Variants in RFX7 observed in about 807,000 individuals in gnomAD.
The protein encoded by RFX7 is regulatory factor X7, also known as DNA-binding protein RFX7.
RFX7 carries 26 observed loss-of-function variants against 111.8 expected under a neutral mutation model. The observed-to-expected ratio is 0.23, with a 90% confidence interval of 0.17 to 0.32. The LOEUF (loss-of-function observed/expected upper bound fraction) is 0.32. Among genes scored for constraint, RFX7 ranks in the 10% least tolerant of loss-of-function variants. RFX7 has a pLI of 1.00. For synonymous variants in RFX7, 624 were observed against 624.4 expected (o/e 1.00, Z 0.01); for missense variants, 1,573 against 1,772.9 (o/e 0.89, Z 2.02).
intron 2 of RFX7, among the ~76,000 whole-genome samples, chr15:56,220,682 G>A (rs1398271830): frequency 2.0e-5 from 3 of 152,088 alleles, no homozygotes; most frequent in African/African-American, 7.2e-5. Context: ...AAGTTCTTTA[G>A]TTTAATTAAG....
At chr15:56,231,065 G>A (rs572952311) in intron 2 of RFX7, among the ~76,000 whole-genome samples, 1 of 152,328 alleles carries the variant, frequency 6.6e-6, no homozygotes, top group Admixed American at 6.5e-5. Flanking sequence ...ATTAAAGTAG[G>A]ATCACAGAAT....
chr15:56,144,336 C>A, intron 4 of RFX7, 65 bp downstream of exon 4: 1 of 819,390 alleles, frequency 1.2e-6, no homozygotes, highest in Non-Finnish European at 1.8e-6. Context: ...ACATACAGAC[C>A]TCACATATAT....
chr15:56,221,817 TTC>T (rs1440669945), intron 2 of RFX7, among the ~76,000 whole-genome samples: 1 of 152,220 alleles, frequency 6.6e-6, no homozygotes, highest in East Asian at 1.9e-4. Context: ...CTTACTACTG[TTC>T]TCTGTGCTGT....
At chr15:56,228,422 T>C (rs531895102) in intron 2 of RFX7, among the ~76,000 whole-genome samples, 14 of 152,284 alleles carry the variant, frequency 9.2e-5, no homozygotes, top group Admixed American at 9.2e-4. Flanking sequence ...GTTCCATCTT[T>C]TTCATTCAAC....
At chr15:56,174,605 G>A (rs1053599171) in intron 3 of RFX7, among the ~76,000 whole-genome samples, 49 of 152,070 alleles carry the variant, frequency 3.2e-4, no homozygotes, top group Non-Finnish European at 1.0e-4. Flanking sequence ...AAATTAGTTG[G>A]ACACGGCGGT....
At chr15:56,134,651 G>T in intron 5 of RFX7, among the ~76,000 whole-genome samples, 1 of 141,406 alleles carries the variant, frequency 7.1e-6, no homozygotes, top group African/African-American at 2.6e-5. Flanking sequence ...TAAGTTTTAG[G>T]GTACATGTGC....
chr15:56,110,514 G>A (rs1395736217), intron 5 of RFX7, among the ~76,000 whole-genome samples: 1 of 86,876 alleles, frequency 1.2e-5, no homozygotes, highest in Non-Finnish European at 2.4e-5. Context: ...CCCTCTGCCC[G>A]GCCAGCTGCC....
chr15:56,126,370 C>T (rs1468005342), intron 5 of RFX7, among the ~76,000 whole-genome samples: 2 of 152,172 alleles, frequency 1.3e-5, no homozygotes, highest in Non-Finnish European at 2.9e-5. Flanking sequence ...ACCCCATATT[C>T]CCAGTGCAGT....
At chr15:56,194,922 T>C (rs961196800) in intron 2 of RFX7, among the ~76,000 whole-genome samples, 5 of 151,882 alleles carry the variant, frequency 3.3e-5, no homozygotes, top group African/African-American at 1.2e-4. Context: ...GAAATAAAAA[T>C]AGGAATGCAA....
chr15:56,140,618 G>A (rs1258454488), intron 5 of RFX7, among the ~76,000 whole-genome samples: 1 of 152,160 alleles, frequency 6.6e-6, no homozygotes, highest in Non-Finnish European at 1.5e-5. Flanking sequence ...GGCCATCTTG[G>A]CTCCTTCCCC....
chr15:56,199,609 CATATA>C (rs2043175287), intron 2 of RFX7, among the ~76,000 whole-genome samples: 1 of 152,080 alleles, frequency 6.6e-6, no homozygotes, highest in Admixed American at 6.5e-5. Flanking sequence ...AGCATTTGCA[CATATA>C]ATATACTCCT....
chr15:56,181,827 G>GA (rs879799928), intron 2 of RFX7, among the ~76,000 whole-genome samples: 111 of 151,204 alleles, frequency 7.3e-4, no homozygotes, highest in Non-Finnish European at 1.3e-3. Context: ...TTTAAAGCAG[G>GA]GTCCCCAACT....
intron 3 of RFX7, among the ~76,000 whole-genome samples, chr15:56,162,819 C>A (rs1366296359): frequency 6.6e-6 from 1 of 152,080 alleles, no homozygotes; most frequent in Non-Finnish European, 1.5e-5. Context: ...CTATTTAAAT[C>A]TGGCCCCACT....
intron 2 of RFX7, among the ~76,000 whole-genome samples, chr15:56,235,575 G>A (rs1482957605): frequency 6.6e-6 from 1 of 152,110 alleles, no homozygotes; most frequent in Non-Finnish European, 1.5e-5. Flanking sequence ...TAAATGGCAA[G>A]ACAATAGCCC....
At position 56,094,297 on chromosome 15, in the gene RFX7, G is replaced by A. The variant is rs2041640371; in HGVS notation, c.3431C>T (p.Ala1144Val). Residue 1144 changes from alanine (A) to valine (V), a missense_variant, in exon 10 of 10, where the codon GCA (alanine) becomes GTA (valine). This residue lies in a region of RFX7 where 411 missense variants were observed against 478.1 expected (regional missense o/e 0.86). Transcript: ENST00000559447. ...VNNTNKQEGF[A>V]VPAPLDNKGT... The stretch of plus-strand genomic sequence containing the variant: ...TTTATTATCAAGAGGGGCAGGGACT[G>A]CAAAACCCTCCTGTTTGTTGGTGTT... The A allele has an allele frequency of 3.1e-6, 5 of 1,613,970 alleles. 1 individual carries two copies. Among genetic ancestry groups the A allele is most frequent in the African/African-American group, 2.7e-5 (2 of 75,048 alleles).
At chr15:56,234,550 CA>C (rs1443634326) in intron 2 of RFX7, among the ~76,000 whole-genome samples, 5 of 152,144 alleles carry the variant, frequency 3.3e-5, no homozygotes, top group Non-Finnish European at 1.5e-5. Context: ...GTAATGACTG[CA>C]ATCAAATTAC....
intron 5 of RFX7, 54 bp from the exon 6 acceptor site, chr15:56,103,724 A>G (rs1234054346): frequency 2.8e-6 from 3 of 1,064,244 alleles, no homozygotes; most frequent in African/African-American, 1.6e-5. Context: ...ATTATATCGC[A>G]GGGTGCTATT....
chr15:56,190,005 C>T (rs1398865577), intron 2 of RFX7: 3 of 152,076 alleles, frequency 2.0e-5, no homozygotes, highest in Admixed American at 1.3e-4. Flanking sequence ...TACTACTCAG[C>T]AATTAAAAGT....
intron 2 of RFX7, among the ~76,000 whole-genome samples, chr15:56,232,158 C>T (rs573020440): frequency 2.4e-4 from 37 of 152,294 alleles, no homozygotes; most frequent in Middle Eastern, 6.8e-3. Flanking sequence ...TGGTCCTTTT[C>T]TCACAGCTCT....
Sources: gnomAD v4.1 joint callset for allele counts (sites outside exome capture counted in the v4.1 genomes callset) on GRCh38, gnomAD v4.1.1 for gene constraint, gnomAD v4.1.1 regional missense constraint, MANE v1.5 for transcripts, NCBI Gene and HGNC (gene_info 2026-07-23, HGNC 2026-07-21) for gene names.